TSGA10: variants seen among roughly 807,000 people sequenced by gnomAD.
TSGA10 encodes the protein testis-specific gene 10 protein.
In TSGA10, 43 loss-of-function variants were observed where a neutral mutation model predicts 96.6. The ratio of observed to expected loss-of-function variants is 0.44; its 90% CI spans 0.35 to 0.57. The LOEUF is 0.57. Among genes scored for constraint, TSGA10 ranks in the 20% least tolerant of loss-of-function variants. TSGA10 has a pLI of 0.01. For synonymous variants in TSGA10, 229 were observed against 269.9 expected, an observed-to-expected ratio of 0.85 and a Z score of 1.48; for missense variants, 703 against 834.4, an observed-to-expected ratio of 0.84 and a Z score of 1.94.
chr2:99,146,157 C>T (rs2093629865), intron 1 of TSGA10, among the ~76,000 whole-genome samples: 1 of 152,172 alleles, frequency 6.6e-6, no homozygotes, highest in Non-Finnish European at 1.5e-5. Flanking sequence ...GTGGCAGGTG[C>T]CTGTAATCCC....
chr2:99,032,835 T>C (rs1428665760), intron 17 of TSGA10, among the ~76,000 whole-genome samples: 2 of 152,084 alleles, frequency 1.3e-5, no homozygotes, highest in Admixed American at 6.5e-5. Context: ...TGTGAGACAA[T>C]TGTTAGAGAG....
At chr2:99,097,738 A>C (rs2090229013) in intron 10 of TSGA10, among the ~76,000 whole-genome samples, 1 of 152,228 alleles carries the variant, frequency 6.6e-6, no homozygotes, top group Non-Finnish European at 1.5e-5. Flanking sequence ...TAAAATACAA[A>C]TGGACCAAAT....
At chr2:99,099,619 T>C (rs2090471021) in intron 10 of TSGA10, among the ~76,000 whole-genome samples, 1 of 152,132 alleles carries the variant, frequency 6.6e-6, no homozygotes, top group African/African-American at 2.4e-5. Context: ...TTTTAGTATC[T>C]GGGCAAAATA....
chr2:99,141,509 T>C (rs1235886915), intron 1 of TSGA10: 1 of 156,258 alleles, frequency 6.4e-6, no homozygotes, highest in South Asian at 1.6e-4. Flanking sequence ...TCTACCTGCC[T>C]GCCTTACAGG....
intron 20 of TSGA10, among the ~76,000 whole-genome samples, chr2:99,014,518 T>A (rs1034560455): frequency 5.3e-5 from 8 of 152,156 alleles, no homozygotes; most frequent in South Asian, 2.1e-4. Context: ...TTCATAGCAT[T>A]TAGTGCCTAC....
At chr2:99,001,433 T>A (rs1347510876) in intron 20 of TSGA10, among the ~76,000 whole-genome samples, 1 of 152,078 alleles carries the variant, frequency 6.6e-6, no homozygotes, top group African/African-American at 2.4e-5. Context: ...AGGAATAGCA[T>A]CAACATCAAC....
At chr2:99,023,636 T>C (rs1015288940) in intron 17 of TSGA10, among the ~76,000 whole-genome samples, 4 of 152,228 alleles carry the variant, frequency 2.6e-5, no homozygotes, top group African/African-American at 9.6e-5. Flanking sequence ...CAACGCCATT[T>C]GCTAAAAATA....
chr2:99,134,267 C>T (rs1559123046), intron 1 of TSGA10, among the ~76,000 whole-genome samples: 1 of 152,022 alleles, frequency 6.6e-6, no homozygotes, highest in Admixed American at 6.6e-5. Flanking sequence ...TTCTTGGAGG[C>T]TTTGTTTGTT....
At chr2:99,021,408 C>T (rs1324280224) in intron 17 of TSGA10, among the ~76,000 whole-genome samples, 2 of 151,964 alleles carry the variant, frequency 1.3e-5, no homozygotes, top group African/African-American at 4.8e-5. Flanking sequence ...TATATCTCTA[C>T]TAACATAAAG....
intron 17 of TSGA10, among the ~76,000 whole-genome samples, chr2:99,031,751 G>A (rs554170642): frequency 1.3e-5 from 2 of 152,242 alleles, no homozygotes; most frequent in African/African-American, 4.8e-5. Flanking sequence ...CCCATTACTC[G>A]CATTACTGTC....
chr2:99,071,641 G>T (rs1215921272), intron 14 of TSGA10, 65 bp downstream of exon 14: 2 of 1,486,584 alleles, frequency 1.3e-6, no homozygotes, highest in Admixed American at 3.8e-5. Flanking sequence ...TAAAATGAGG[G>T]CTGTTCCTCA....
At chr2:99,035,530 AAGAGT>A in intron 16 of TSGA10, 91 bp from the exon 17 acceptor site, 18 of 791,460 alleles carry the variant, frequency 2.3e-5, no homozygotes, top group Non-Finnish European at 2.9e-5. Context: ...GGGCAAATCT[AAGAGT>A]AGTGCACTTA....
intron 20 of TSGA10, among the ~76,000 whole-genome samples, chr2:99,005,608 G>C (rs1452512999): frequency 6.6e-6 from 1 of 152,084 alleles, no homozygotes. Flanking sequence ...CCTCTTCAAG[G>C]ACAACTACAA....
intron 15 of TSGA10, among the ~76,000 whole-genome samples, chr2:99,067,715 T>C (rs1343808582): frequency 1.3e-5 from 2 of 151,992 alleles, no homozygotes; most frequent in Admixed American, 6.6e-5. Flanking sequence ...TAGCCGGGCA[T>C]GGTTGCATGC....
intron 4 of TSGA10, among the ~76,000 whole-genome samples, chr2:99,114,918 A>T (rs578114828): frequency 6.6e-6 from 1 of 152,144 alleles, no homozygotes; most frequent in African/African-American, 2.4e-5. Flanking sequence ...AGACATACTA[A>T]AACTCTTCAA....
At chr2:99,077,127 C>CTTTTTT (rs35876721) in intron 12 of TSGA10, among the ~76,000 whole-genome samples, 30 of 70,460 alleles carry the variant, frequency 4.3e-4, no homozygotes, top group Non-Finnish European at 5.8e-4. Flanking sequence ...GACCATTCAC[C>CTTTTTT]TTTTTTTTTT....
At chr2:99,046,648 T>C (rs1286990763) in intron 16 of TSGA10, among the ~76,000 whole-genome samples, 1 of 151,616 alleles carries the variant, frequency 6.6e-6, no homozygotes, top group Non-Finnish European at 1.5e-5. Context: ...CAAACTAACA[T>C]CACAATTAAA....
intron 10 of TSGA10, among the ~76,000 whole-genome samples, chr2:99,091,875 T>C (rs1322332871): frequency 1.3e-5 from 2 of 151,896 alleles, no homozygotes; most frequent in Admixed American, 1.3e-4. Flanking sequence ...AGAAAGAAAG[T>C]CAACAAAGAA....
chr2:99,053,244 T>C (rs1277874996), intron 16 of TSGA10, among the ~76,000 whole-genome samples: 2 of 152,046 alleles, frequency 1.3e-5, no homozygotes, highest in Non-Finnish European at 2.9e-5. Context: ...CCAAATTCAT[T>C]TTAGTGGTCA....
Sources: allele counts gnomAD v4.1 joint callset (sites outside exome capture counted in the v4.1 genomes callset), GRCh38; gene constraint gnomAD v4.1.1; transcripts MANE v1.5; gene names NCBI Gene and HGNC (gene_info 2026-07-23, HGNC 2026-07-21).